PSD3: variants seen among roughly 807,000 people sequenced by gnomAD.
PSD3 encodes the protein PH and SEC7 domain-containing protein 3.
A neutral mutation model predicts 105.5 loss-of-function variants in PSD3; 49 were observed. That is an observed-to-expected ratio of 0.46 (90% CI 0.37 to 0.59). The LOEUF (loss-of-function observed/expected upper bound fraction) is 0.59, where lower values mean the gene tolerates loss of function less well. PSD3 is among the 20% of genes least tolerant of loss of function. The pLI is 0.00. For missense variants in PSD3, 1,561 were observed against 1,263.8 expected, an observed-to-expected ratio of 1.24 and a Z score of -3.57; for synonymous variants, 557 against 457.8, an observed-to-expected ratio of 1.22 and a Z score of -2.77.
chr8:18,609,450 T>C (rs1194300991), intron 11 of PSD3, among the ~76,000 whole-genome samples: 1 of 152,212 alleles, frequency 6.6e-6, no homozygotes, highest in African/African-American at 2.4e-5. Context: ...AACAAAGATA[T>C]ACTTAGCAGA....
chr8:18,841,257 G>T (rs891841965), intron 4 of PSD3, among the ~76,000 whole-genome samples: 1 of 152,102 alleles, frequency 6.6e-6, no homozygotes, highest in Admixed American at 6.6e-5. Flanking sequence ...ATTCATGCAT[G>T]CTCAGGCACT....
intron 2 of PSD3, among the ~76,000 whole-genome samples, chr8:18,894,180 C>T (rs1818993867): frequency 6.6e-6 from 1 of 152,190 alleles, no homozygotes; most frequent in Non-Finnish European, 1.5e-5. Flanking sequence ...CTTTCTTTTC[C>T]AGCCTTTTGT....
At chr8:18,826,196 A>T (rs1247632689) in intron 4 of PSD3, among the ~76,000 whole-genome samples, 1 of 152,164 alleles carries the variant, frequency 6.6e-6, no homozygotes, top group Non-Finnish European at 1.5e-5. Context: ...CTAAATTATC[A>T]GCTCTCTGTC....
intron 14 of PSD3, among the ~76,000 whole-genome samples, chr8:18,568,608 G>T (rs527948535): frequency 6.6e-6 from 1 of 152,028 alleles, no homozygotes; most frequent in African/African-American, 2.4e-5. Flanking sequence ...CTTTCACTAC[G>T]ATCCATTTCT....
intron 2 of PSD3, among the ~76,000 whole-genome samples, chr8:18,916,602 GT>G (rs1820625136): frequency 6.6e-6 from 1 of 151,450 alleles, no homozygotes; most frequent in South Asian, 2.1e-4. Flanking sequence ...ATGAGGAGGT[GT>G]TGGTCAAATG....
chr8:18,546,235 G>A (rs1232284207), intron 15 of PSD3, among the ~76,000 whole-genome samples: 1 of 152,148 alleles, frequency 6.6e-6, no homozygotes, highest in African/African-American at 2.4e-5. Flanking sequence ...GACCTGAGAT[G>A]ACCCACCTGT....
intron 15 of PSD3, among the ~76,000 whole-genome samples, chr8:18,540,893 C>T (rs1019859781): frequency 6.6e-6 from 1 of 152,112 alleles, no homozygotes; most frequent in Non-Finnish European, 1.5e-5. Flanking sequence ...TCAGTTCTGT[C>T]CCTGGGCTTG....
At chr8:18,616,140 C>A (rs961806801) in intron 11 of PSD3, among the ~76,000 whole-genome samples, 1 of 152,232 alleles carries the variant, frequency 6.6e-6, no homozygotes, top group Admixed American at 6.5e-5. Flanking sequence ...ACCACTCACG[C>A]GCAGGAGCCA....
At chr8:18,586,674 A>T (rs563957166) in intron 12 of PSD3, among the ~76,000 whole-genome samples, 1 of 152,242 alleles carries the variant, frequency 6.6e-6, no homozygotes, top group African/African-American at 2.4e-5. Flanking sequence ...AATTCTTTCG[A>T]AGACCAATTT....
intron 8 of PSD3, among the ~76,000 whole-genome samples, chr8:18,779,548 C>A (rs992918102): frequency 3.3e-5 from 5 of 152,014 alleles, no homozygotes; most frequent in African/African-American, 1.2e-4. Flanking sequence ...TCTTTAAAAT[C>A]TTTCTACTTT....
rs1046918640 is a variant in PSD3, at chr8:18,529,871, C to T, written c.*5872G>A. 6.6e-6 allele frequency: 1 copy of T among 152,426 alleles called. No homozygotes were observed. Among genetic ancestry groups the T allele is most frequent in the African/African-American group, 2.4e-5 (1 of 41,434 alleles). The allele number at this position is 152,426 out of a possible 1,614,324, so 9.4% of individuals were successfully genotyped here. On this transcript the variant is annotated 3_prime_UTR_variant, in exon 16 of 16. Coordinates refer to ENST00000327040, the MANE Select transcript of PSD3 (RefSeq NM_015310.4). ...TAATTCTTAGAAGGAAATACTCTCG[C>T]AAAACTAAGACCCTGCCAATCATTC...
At chr8:18,616,846 A>G (rs1265841629) in intron 11 of PSD3, among the ~76,000 whole-genome samples, 22 of 150,844 alleles carry the variant, frequency 1.5e-4, no homozygotes, top group Non-Finnish European at 2.7e-4. Flanking sequence ...GATGGTCTCG[A>G]TCTCGTGACC....
At chr8:18,701,810 G>A (rs919911790) in intron 9 of PSD3, among the ~76,000 whole-genome samples, 1 of 152,164 alleles carries the variant, frequency 6.6e-6, no homozygotes, top group Non-Finnish European at 1.5e-5. Context: ...GAGCTTTCCT[G>A]AGGGAGTAAA....
At chr8:18,933,554 G>A (rs1821886952) in intron 2 of PSD3, among the ~76,000 whole-genome samples, 1 of 152,120 alleles carries the variant, frequency 6.6e-6, no homozygotes, top group Non-Finnish European at 1.5e-5. Flanking sequence ...TGCAACTTCT[G>A]CCTCCTGGGC....
chr8:18,849,618 T>C (rs1205534103), intron 4 of PSD3: 1 of 152,218 alleles, frequency 6.6e-6, no homozygotes, highest in Non-Finnish European at 1.5e-5. Flanking sequence ...CATGCTCCCA[T>C]GAGGCCAGAT....
intron 9 of PSD3, among the ~76,000 whole-genome samples, chr8:18,758,589 G>T (rs1416452970): frequency 1.3e-5 from 2 of 151,844 alleles, no homozygotes; most frequent in South Asian, 2.1e-4. Flanking sequence ...AAGCCTAATG[G>T]TTACAAATCT....
intron 12 of PSD3, among the ~76,000 whole-genome samples, chr8:18,589,913 C>A (rs978412212): frequency 6.6e-6 from 1 of 152,140 alleles, no homozygotes; most frequent in African/African-American, 2.4e-5. Flanking sequence ...CCTTGCCTTC[C>A]GTTCTTACTT....
At chr8:18,603,868 T>C (rs1427169450) in intron 11 of PSD3, among the ~76,000 whole-genome samples, 2 of 152,192 alleles carry the variant, frequency 1.3e-5, no homozygotes, top group Non-Finnish European at 2.9e-5. Context: ...TGACTGTAAG[T>C]TTCCTGAGGC....
chr8:18,908,977 T>C (rs1040877547), intron 2 of PSD3, among the ~76,000 whole-genome samples: 5 of 152,212 alleles, frequency 3.3e-5, no homozygotes, highest in East Asian at 1.9e-4. Flanking sequence ...TCACTTTAAA[T>C]AGAAAACTAA....
Sources: gnomAD v4.1 joint callset for allele counts (sites outside exome capture counted in the v4.1 genomes callset) on GRCh38, gnomAD v4.1.1 for gene constraint, MANE v1.5 for transcripts, NCBI Gene and HGNC (gene_info 2026-07-23, HGNC 2026-07-21) for gene names.